CNTN4: variants seen among roughly 807,000 people sequenced by gnomAD.
CNTN4 encodes contactin-4.
In CNTN4, 77 loss-of-function variants were observed where a neutral mutation model predicts 122.5. The observed-to-expected ratio is 0.63, with a 90% CI of 0.52 to 0.76. The LOEUF (loss-of-function observed/expected upper bound fraction) is 0.76. Ranked by LOEUF, CNTN4 falls within the 30% of genes least tolerant of loss-of-function variation. CNTN4 has a pLI of 0.00. For synonymous variants in CNTN4, 512 were observed against 447.0 expected (o/e 1.15, Z -1.83); for missense variants, 1,256 against 1,259.1 (o/e 1.00, Z 0.04).
At chr3:2,341,344 C>T (rs1203127277) in intron 3 of CNTN4, among the ~76,000 whole-genome samples, 2 of 152,274 alleles carry the variant, frequency 1.3e-5, no homozygotes, top group Non-Finnish European at 2.9e-5. Flanking sequence ...GCTTAATTAT[C>T]TTACCCTCCC....
chr3:2,634,884 A>C (rs1055060502), intron 4 of CNTN4, among the ~76,000 whole-genome samples: 5 of 151,820 alleles, frequency 3.3e-5, no homozygotes, highest in Admixed American at 1.3e-4. Context: ...AAAAAATTCT[A>C]TAAATGATTA....
chr3:2,923,709 C>A (rs1036765052), intron 12 of CNTN4, among the ~76,000 whole-genome samples: 4 of 152,198 alleles, frequency 2.6e-5, no homozygotes, highest in Non-Finnish European at 5.9e-5. Context: ...CCTTCTCATG[C>A]ATGTGCACAC....
intron 4 of CNTN4, among the ~76,000 whole-genome samples, chr3:2,661,180 T>A (rs2083872882): frequency 6.6e-6 from 1 of 152,142 alleles, no homozygotes. Context: ...ACAAAGGAAA[T>A]ACACTAAGCA....
chr3:2,494,350 G>C (rs968266385), intron 3 of CNTN4, among the ~76,000 whole-genome samples: 33 of 152,314 alleles, frequency 2.2e-4, no homozygotes, highest in African/African-American at 7.9e-4. Flanking sequence ...CCTGAAGCAT[G>C]TGGCAGGGGG....
intron 13 of CNTN4, among the ~76,000 whole-genome samples, chr3:2,985,795 C>T (rs1178970932): frequency 6.6e-6 from 1 of 151,672 alleles, no homozygotes; most frequent in Non-Finnish European, 1.5e-5. Context: ...TCAGAAGTAA[C>T]AGTCAAAATA....
chr3:2,165,142 G>T (rs1448926572), intron 2 of CNTN4, among the ~76,000 whole-genome samples: 1 of 152,020 alleles, frequency 6.6e-6, no homozygotes, highest in African/African-American at 2.4e-5. Context: ...GGCCAACATG[G>T]TGAAACCCCA....
At chr3:2,415,366 T>C (rs981105823) in intron 3 of CNTN4, among the ~76,000 whole-genome samples, 1 of 152,210 alleles carries the variant, frequency 6.6e-6, no homozygotes, top group Non-Finnish European at 1.5e-5. Flanking sequence ...CCATAATAGC[T>C]ACAGCCTCCT....
chr3:2,736,816 G>A (rs1043477494), intron 5 of CNTN4, among the ~76,000 whole-genome samples: 14 of 137,630 alleles, frequency 1.0e-4, no homozygotes, highest in African/African-American at 3.2e-4. Flanking sequence ...ATTTAGAGAC[G>A]GAGTCTCGCT....
At chr3:2,628,273 T>G (rs2600317) in intron 4 of CNTN4, among the ~76,000 whole-genome samples, 2 of 152,006 alleles carry the variant, frequency 1.3e-5, no homozygotes, top group South Asian at 4.1e-4. Context: ...AATTTGACCT[T>G]GTGAAAGCAA....
At chr3:2,221,411 A>G (rs986689537) in intron 2 of CNTN4, among the ~76,000 whole-genome samples, 1 of 152,018 alleles carries the variant, frequency 6.6e-6, no homozygotes, top group Non-Finnish European at 1.5e-5. Flanking sequence ...TTTAAAATTA[A>G]TTACAAATCA....
intron 4 of CNTN4, among the ~76,000 whole-genome samples, chr3:2,712,922 G>A (rs1359478330): frequency 2.0e-5 from 3 of 152,212 alleles, no homozygotes; most frequent in Non-Finnish European, 2.9e-5. Flanking sequence ...CAAGCAGGGC[G>A]TGGAAGCTCC....
intron 3 of CNTN4, among the ~76,000 whole-genome samples, chr3:2,486,543 T>C (rs2076168078): frequency 6.6e-6 from 1 of 152,176 alleles, no homozygotes; most frequent in South Asian, 2.1e-4. Flanking sequence ...AAAAATATAA[T>C]ATTTATTGAA....
At position 2,287,693 on chromosome 3, in the gene CNTN4, GGAAGAAGAAGAAGAAGAGGAA is replaced by G. The variant is rs2041973471; in HGVS notation, c.-144-51467_-144-51447del. Among the ~76,000 whole-genome samples, 171 of 80,920 alleles carry G rather than the reference GGAAGAAGAAGAAGAAGAGGAA, an allele frequency of 2.1e-3. 4 individuals are homozygous for G. The highest frequency in any genetic ancestry group is 0.011 in the Middle Eastern group (2 of 176). 53.1% of individuals were successfully genotyped at this position (80,920 alleles called of 152,430 possible). A position where few individuals can be genotyped will look rare whatever the true frequency, so the allele number is the denominator to read the frequency against. ...AAGAAGAAGAAGAAGAAGAAGAAGA[GGAAGAAGAAGAAGAAGAGGAA>G]GAAGAAGAAGAAGAAGAAGAAGAAG... is the stretch of plus-strand genomic sequence containing the variant. On this transcript the variant is annotated intron_variant, in intron 2 of 24. Transcript: ENST00000418658.
chr3:2,793,225 C>T (rs568201236), intron 6 of CNTN4, among the ~76,000 whole-genome samples: 2 of 152,128 alleles, frequency 1.3e-5, no homozygotes, highest in South Asian at 2.1e-4. Context: ...ACTCTCGATT[C>T]CTATCACGCT....
At chr3:2,535,843 A>C (rs1345042592) in intron 3 of CNTN4, among the ~76,000 whole-genome samples, 2 of 152,142 alleles carry the variant, frequency 1.3e-5, no homozygotes, top group Non-Finnish European at 2.9e-5. Context: ...TATCCCTTTC[A>C]GTAGTACACT....
At chr3:2,664,835 A>G (rs2084069934) in intron 4 of CNTN4, among the ~76,000 whole-genome samples, 1 of 152,182 alleles carries the variant, frequency 6.6e-6, no homozygotes, top group Admixed American at 6.5e-5. Flanking sequence ...AAGTAATAGA[A>G]TGCGATGAGT....
intron 4 of CNTN4, among the ~76,000 whole-genome samples, chr3:2,574,193 G>GTGACAGAGC (rs1559255037): frequency 1.3e-5 from 2 of 152,152 alleles, no homozygotes; most frequent in African/African-American, 2.4e-5. Flanking sequence ...TCCAGCCTGG[G>GTGACAGAGC]CAACAAGAGT....
chr3:2,798,366 A>ATCTATCTATCTATCT (rs57013365), intron 6 of CNTN4, among the ~76,000 whole-genome samples: 14,935 of 135,364 alleles, frequency 0.11, 1,124 homozygotes, highest in East Asian at 0.32. Context: ...TACACACATA[A>ATCTATCTATCTATCT]ATCTATCTAT....
intron 3 of CNTN4, among the ~76,000 whole-genome samples, chr3:2,499,398 T>G (rs916680851): frequency 6.6e-6 from 1 of 152,220 alleles, no homozygotes; most frequent in African/African-American, 2.4e-5. Flanking sequence ...CCTGATTAAA[T>G]AATAATGATG....
Sources: allele counts gnomAD v4.1 joint callset (sites outside exome capture counted in the v4.1 genomes callset), GRCh38; gene constraint gnomAD v4.1.1; transcripts MANE v1.5; gene names NCBI Gene and HGNC (gene_info 2026-07-23, HGNC 2026-07-21).